Variants in CNTNAP2 observed in about 807,000 individuals in gnomAD.
The protein encoded by CNTNAP2 is contactin-associated protein-like 2.
Under a neutral mutation model 155.2 loss-of-function variants are expected in CNTNAP2, and 98 were observed. The ratio of observed to expected loss-of-function variants is 0.63; its 90% CI spans 0.54 to 0.75. CNTNAP2 has a LOEUF of 0.75. Ranked by LOEUF, CNTNAP2 falls within the 30% of genes least tolerant of loss-of-function variation. The pLI, the probability that CNTNAP2 is intolerant of heterozygous loss-of-function variation, is 0.00. For missense variants in CNTNAP2, 1,727 were observed against 1,688.1 expected (o/e 1.02, Z -0.40); for synonymous variants, 651 against 631.2 (o/e 1.03, Z -0.47).
chr7:146,753,697 T>C (rs1209542408), intron 1 of CNTNAP2, among the ~76,000 whole-genome samples: 4 of 152,088 alleles, frequency 2.6e-5, no homozygotes, highest in African/African-American at 9.7e-5. Flanking sequence ...GTCTTGGTAT[T>C]CAAACCATTT....
chr7:146,209,851 C>G (rs1282526173), intron 1 of CNTNAP2, among the ~76,000 whole-genome samples: 1 of 152,132 alleles, frequency 6.6e-6, no homozygotes, highest in Non-Finnish European at 1.5e-5. Context: ...AATATATGGA[C>G]AGAATAGTCC....
intron 13 of CNTNAP2, among the ~76,000 whole-genome samples, chr7:147,898,740 G>A (rs1267223570): frequency 2.0e-5 from 3 of 151,990 alleles, no homozygotes; most frequent in Non-Finnish European, 4.4e-5. Context: ...GGCTGATCTT[G>A]AACTCCTGAC....
intron 1 of CNTNAP2, among the ~76,000 whole-genome samples, chr7:146,622,834 G>A (rs1387377094): frequency 1.3e-5 from 2 of 151,908 alleles, no homozygotes; most frequent in African/African-American, 4.8e-5. Flanking sequence ...GCCTGTACCT[G>A]TAGTCCCAGC....
In CNTNAP2 at chr7:147,544,440, T is replaced by C. The variant is rs572779745; in HGVS notation, c.1778-17698T>C. Among the ~76,000 whole-genome samples the C allele has an allele frequency of 2.6e-5, 4 of 152,164 alleles. No homozygotes were observed. In the East Asian group the frequency reaches 7.7e-4, roughly 29 times the overall value. On this transcript the variant is annotated intron_variant, in intron 11 of 23. Transcript: ENST00000361727. ...AAATTAAAAGTGATAATAACTACTGTTGGTGGGGATGAGTTAAAAGGGTAC... is the reference window on the plus strand; with the variant it reads ...AAATTAAAAGTGATAATAACTACTGCTGGTGGGGATGAGTTAAAAGGGTAC...
intron 1 of CNTNAP2, among the ~76,000 whole-genome samples, chr7:146,177,645 A>C (rs1798488946): frequency 6.6e-6 from 1 of 152,236 alleles, no homozygotes; most frequent in South Asian, 2.1e-4. Flanking sequence ...CTATGAAAAA[A>C]CAAGCTGACA....
intron 9 of CNTNAP2, among the ~76,000 whole-genome samples, chr7:147,338,034 T>C (rs1795694079): frequency 6.6e-6 from 1 of 152,142 alleles, no homozygotes; most frequent in South Asian, 2.1e-4. Flanking sequence ...GGCTACTGTG[T>C]TAGTTAGTTC....
At chr7:146,964,529 T>C (rs1462386844) in intron 3 of CNTNAP2, among the ~76,000 whole-genome samples, 3 of 152,222 alleles carry the variant, frequency 2.0e-5, no homozygotes, top group African/African-American at 7.2e-5. Flanking sequence ...GACAAGGTGA[T>C]ATTAAGATAA....
At chr7:146,879,363 A>G (rs1490299525) in intron 3 of CNTNAP2, among the ~76,000 whole-genome samples, 3 of 152,190 alleles carry the variant, frequency 2.0e-5, no homozygotes, top group Non-Finnish European at 4.4e-5. Context: ...ATATCATGTT[A>G]GTAAACATGT....
chr7:148,272,123 G>A (rs1382781972), intron 21 of CNTNAP2, among the ~76,000 whole-genome samples: 5 of 152,148 alleles, frequency 3.3e-5, no homozygotes, highest in Admixed American at 2.0e-4. Context: ...TAAAGGGGAT[G>A]GAGGATATAT....
intron 1 of CNTNAP2, among the ~76,000 whole-genome samples, chr7:146,270,141 G>A (rs777928574): frequency 9.2e-5 from 14 of 152,146 alleles, no homozygotes; most frequent in Admixed American, 2.6e-4. Flanking sequence ...TTTCACGATG[G>A]TTATTTTTAA....
intron 20 of CNTNAP2, among the ~76,000 whole-genome samples, chr7:148,249,132 T>C (rs1386909032): frequency 6.6e-6 from 1 of 152,232 alleles, no homozygotes. Flanking sequence ...CAGATGCATG[T>C]ACTGTGAATA....
intron 3 of CNTNAP2, among the ~76,000 whole-genome samples, chr7:146,974,417 G>A (rs542019834): frequency 1.5e-4 from 23 of 150,042 alleles, no homozygotes; most frequent in South Asian, 4.2e-4. Context: ...CAGCCTGGGC[G>A]ACAAGAGCAA....
chr7:147,667,816 AAAAT>A (rs1795722329), intron 13 of CNTNAP2, among the ~76,000 whole-genome samples: 4 of 148,880 alleles, frequency 2.7e-5, no homozygotes, highest in African/African-American at 1.0e-4. Flanking sequence ...AATAATAAAA[AAAAT>A]AAAATAAAAA....
intron 13 of CNTNAP2, among the ~76,000 whole-genome samples, chr7:147,693,888 C>A (rs1196097980): frequency 6.6e-6 from 1 of 152,034 alleles, no homozygotes; most frequent in Non-Finnish European, 1.5e-5. Context: ...TATTGAAAAG[C>A]AGTGGTGAGA....
At chr7:146,396,063 T>G (rs1383521090) in intron 1 of CNTNAP2, among the ~76,000 whole-genome samples, 1 of 152,160 alleles carries the variant, frequency 6.6e-6, no homozygotes, top group Non-Finnish European at 1.5e-5. Flanking sequence ...TCAATTATCA[T>G]ACTTTTTCCC....
At chr7:146,326,681 G>C (rs6972487) in intron 1 of CNTNAP2, among the ~76,000 whole-genome samples, 5,050 of 152,270 alleles carry the variant, frequency 0.033, 140 homozygotes, top group African/African-American at 0.076. Flanking sequence ...CCACAGAAAA[G>C]CATCTCCGTG....
intron 4 of CNTNAP2, among the ~76,000 whole-genome samples, chr7:147,073,391 G>C (rs6966555): frequency 0.16 from 24,429 of 151,538 alleles, 5,161 homozygotes; most frequent in African/African-American, 0.49. Context: ...CATGGTAAAT[G>C]TTGAATCCGA....
chr7:147,852,353 C>G (rs913839162), intron 13 of CNTNAP2, among the ~76,000 whole-genome samples: 2 of 152,078 alleles, frequency 1.3e-5, no homozygotes, highest in Non-Finnish European at 2.9e-5. Context: ...CTGTATCATT[C>G]CAAAAATATG....
At chr7:148,140,445 G>C (rs894374541) in intron 16 of CNTNAP2, among the ~76,000 whole-genome samples, 4 of 141,070 alleles carry the variant, frequency 2.8e-5, no homozygotes, top group Non-Finnish European at 4.6e-5. Flanking sequence ...TTTTGAGACA[G>C]AGTTTCGCTC....
Sources: allele counts gnomAD v4.1 joint callset (sites outside exome capture counted in the v4.1 genomes callset), GRCh38; gene constraint gnomAD v4.1.1; transcripts MANE v1.5; gene names NCBI Gene and HGNC (gene_info 2026-07-23, HGNC 2026-07-21).